The following ZNF609 variants were observed in gnomAD, a reference collection of about 807,000 sequenced individuals.
The protein encoded by ZNF609 is zinc finger protein 609.
ZNF609 carries 11 observed loss-of-function variants against 109.5 expected under a neutral mutation model. The observed-to-expected ratio is 0.10, with a 90% confidence interval of 0.06 to 0.17. The LOEUF is 0.17. ZNF609 is among the 10% of genes least tolerant of loss of function. The pLI, the probability that ZNF609 is intolerant of heterozygous loss-of-function variation, is 1.00. For missense variants in ZNF609, 1,559 were observed against 1,772.4 expected (o/e 0.88, Z 2.16); for synonymous variants, 646 against 662.0 (o/e 0.98, Z 0.37).
At chr15:64,462,968 T>C (rs1892963739) in intron 1 of ZNF609, among the ~76,000 whole-genome samples, 1 of 152,218 alleles carries the variant, frequency 6.6e-6, no homozygotes, top group Non-Finnish European at 1.5e-5. Flanking sequence ...TAAAAAATTA[T>C]TTGGGACCAG....
At chr15:64,514,641 CT>C (rs749141532) in intron 2 of ZNF609, among the ~76,000 whole-genome samples, 156 of 143,948 alleles carry the variant, frequency 1.1e-3, no homozygotes, top group Non-Finnish European at 1.0e-3. Flanking sequence ...CTAAACTATG[CT>C]TTTTTTTTTT....
In ZNF609 at chr15:64,638,983, G is replaced by C. The variant is rs185083432; in HGVS notation, c.973+15931G>C. On this transcript the variant is annotated intron_variant, in intron 3 of 9. Transcript: ENST00000326648. The stretch of plus-strand genomic sequence containing the variant: ...ATGTTCAAGATGGAGCTTGGAACCA[G>C]GTGCAGTGGCTCACACCTGTAATCT... Among the ~76,000 whole-genome samples the C allele has an allele frequency of 2.6e-5, 4 of 152,234 alleles. No homozygotes were observed. In the East Asian group the frequency reaches 7.7e-4, roughly 29 times the overall value.
chr15:64,592,832 G>A, intron 2 of ZNF609: 2 of 504,962 alleles, frequency 4.0e-6, no homozygotes, highest in Middle Eastern at 1.1e-3. Context: ...AGAATTGCTT[G>A]AATCTAGGAG....
At chr15:64,514,584 T>C (rs1299804747) in intron 2 of ZNF609, among the ~76,000 whole-genome samples, 1 of 152,190 alleles carries the variant, frequency 6.6e-6, no homozygotes, top group Admixed American at 6.5e-5. Flanking sequence ...CTTTGAGGTA[T>C]ACCTTTCACC....
chr15:64,676,903 G>A lies in ZNF609; in HGVS notation c.3402+647G>A, dbSNP rs1335699168. On this transcript the variant is annotated intron_variant, in intron 5 of 9. Coordinates refer to ENST00000326648, the MANE Select transcript of ZNF609 (RefSeq NM_015042.2). ...CGAGTAGCTGGGATTACAGGTGCAC[G>A]CCACCACACCTGGCTAATTTTTTGT... Among the ~76,000 whole-genome samples the A allele has an allele frequency of 8.6e-5, 13 of 151,646 alleles. 1 individual carries two copies. Among genetic ancestry groups the A allele is most frequent in the Non-Finnish European group, 1.5e-4 (10 of 67,936 alleles).
chr15:64,611,630 ACTGCAAGTCTGTAGT>A (rs1895716833), intron 2 of ZNF609, among the ~76,000 whole-genome samples: 1 of 152,192 alleles, frequency 6.6e-6, no homozygotes, highest in Non-Finnish European at 1.5e-5. Context: ...CAGACTGTAG[ACTGCAAGTCTGTAGT>A]CTTCAAATTA....
chr15:64,480,053 G>A (rs1033825869), intron 1 of ZNF609, among the ~76,000 whole-genome samples: 3 of 150,654 alleles, frequency 2.0e-5, no homozygotes, highest in Non-Finnish European at 3.0e-5. Flanking sequence ...CCTGGCGAAC[G>A]TGGCAAAACC....
At chr15:64,602,716 C>CTTTTT (rs10600561) in intron 2 of ZNF609, among the ~76,000 whole-genome samples, 25 of 55,590 alleles carry the variant, frequency 4.5e-4, no homozygotes, top group African/African-American at 1.3e-3. Context: ...TTTTTTCTTT[C>CTTTTT]TTTTTTTTTT....
intron 1 of ZNF609, among the ~76,000 whole-genome samples, chr15:64,488,612 A>G (rs1893364193): frequency 6.6e-6 from 1 of 152,120 alleles, no homozygotes; most frequent in Non-Finnish European, 1.5e-5. Context: ...CATTATTTAT[A>G]TTTTTTGATA....
intron 2 of ZNF609, among the ~76,000 whole-genome samples, chr15:64,519,027 A>G (rs1290888248): frequency 6.7e-6 from 1 of 149,214 alleles, no homozygotes; most frequent in African/African-American, 2.5e-5. Context: ...ATGCACATCT[A>G]TCATTTTACA....
intron 3 of ZNF609, among the ~76,000 whole-genome samples, chr15:64,645,197 C>A (rs1010152395): frequency 2.0e-5 from 3 of 146,712 alleles, no homozygotes; most frequent in African/African-American, 5.0e-5. Context: ...CTCAAGATAT[C>A]CTCCTACCTC....
At chr15:64,634,305 G>T (rs1402416771) in intron 3 of ZNF609, among the ~76,000 whole-genome samples, 1 of 152,126 alleles carries the variant, frequency 6.6e-6, no homozygotes, top group South Asian at 2.1e-4. Context: ...CAGAGTAATA[G>T]GCTATGGTTT....
At chr15:64,546,460 C>A (rs1894361845) in intron 2 of ZNF609, among the ~76,000 whole-genome samples, 1 of 149,124 alleles carries the variant, frequency 6.7e-6, no homozygotes, top group Admixed American at 6.7e-5. Flanking sequence ...GGAGATGGTG[C>A]CTTGTTCTGT....
chr15:64,639,984 A>G (rs779809371), intron 3 of ZNF609, among the ~76,000 whole-genome samples: 4 of 151,938 alleles, frequency 2.6e-5, no homozygotes, highest in Non-Finnish European at 5.9e-5. Flanking sequence ...CAGTGGCGCA[A>G]TCTCAGCTCA....
At chr15:64,551,652 C>CA (rs536364048) in intron 2 of ZNF609, among the ~76,000 whole-genome samples, 9,041 of 90,906 alleles carry the variant, frequency 0.099, 1,095 homozygotes, top group African/African-American at 0.28. Context: ...AACTCTGTCT[C>CA]AAAAAAAAAA....
chr15:64,611,806 T>A (rs1895720150), intron 2 of ZNF609, among the ~76,000 whole-genome samples: 1 of 151,826 alleles, frequency 6.6e-6, no homozygotes, highest in Non-Finnish European at 1.5e-5. Flanking sequence ...CAATCTTGGC[T>A]CACTGCAACC....
At chr15:64,645,032 T>C (rs867220720) in intron 3 of ZNF609, among the ~76,000 whole-genome samples, 62 of 130,610 alleles carry the variant, frequency 4.7e-4, no homozygotes, top group African/African-American at 1.6e-3. Flanking sequence ...TTCCTTCCTT[T>C]CTTCCTTCCT....
At chr15:64,569,971 C>G (rs891974566) in intron 2 of ZNF609, among the ~76,000 whole-genome samples, 1 of 152,026 alleles carries the variant, frequency 6.6e-6, no homozygotes, top group Non-Finnish European at 1.5e-5. Context: ...GTGCCAAGAA[C>G]GGAATTGCCT....
intron 3 of ZNF609, among the ~76,000 whole-genome samples, chr15:64,632,733 G>A (rs1298176044): frequency 1.3e-5 from 2 of 152,050 alleles, no homozygotes; most frequent in Non-Finnish European, 2.9e-5. Flanking sequence ...CTCCCAAAGT[G>A]CTGGGATTAC....
Sources: allele counts gnomAD v4.1 joint callset (sites outside exome capture counted in the v4.1 genomes callset), GRCh38; gene constraint gnomAD v4.1.1; transcripts MANE v1.5; gene names NCBI Gene and HGNC (gene_info 2026-07-23, HGNC 2026-07-21).